Variants in CIB1 observed in about 807,000 individuals in gnomAD.
The protein encoded by CIB1 is calcium and integrin-binding protein 1.
In CIB1, 19 loss-of-function variants were observed where a neutral mutation model predicts 25.0. The observed-to-expected ratio is 0.76, with a 90% confidence interval of 0.53 to 1.12. The LOEUF (loss-of-function observed/expected upper bound fraction) is 1.12. Ranked by LOEUF, CIB1 falls within the 50% of genes most tolerant of loss-of-function variation. The pLI, the probability that CIB1 is intolerant of heterozygous loss-of-function variation, is 0.00. For missense variants in CIB1, 236 were observed against 242.6 expected (o/e 0.97, Z 0.18); for synonymous variants, 104 against 98.5 (o/e 1.06, Z -0.33).
chr15:90,262,217 C>A, the CIB1 span: 1 of 1,508,794 alleles, frequency 6.6e-7, no homozygotes, highest in Non-Finnish European at 8.8e-7. Flanking sequence ...TTCTCCTCTG[C>A]ACACCTAGGT....
chr15:90,256,573 CTT>C, the CIB1 span, among the ~76,000 whole-genome samples: 5 of 56,358 alleles, frequency 8.9e-5, no homozygotes, highest in African/African-American at 4.7e-4. Context: ...TTCTTTCTTT[CTT>C]TCTTTCTTTC....
Position 90,231,125 on chromosome 15 carries a change from A to ACTAAGC in CIB1, c.429_434dup (p.Arg143_Leu144dup). ...CGATGAGCTGCTTCATCTCAGACGC[A>ACTAAGC]CTAAGCCGTGTGTCCTCGCCCTCTC... On this transcript the variant is annotated inframe_insertion, in exon 5 of 7. Coordinates refer to ENST00000328649, the MANE Select transcript of CIB1 (RefSeq NM_006384.4). The ACTAAGC allele has an allele frequency of 6.2e-7, 1 of 1,614,120 alleles. No individual in the cohort carries two copies. Among genetic ancestry groups the ACTAAGC allele is most frequent in the Non-Finnish European group, 8.5e-7 (1 of 1,180,022 alleles).
the CIB1 span, chr15:90,264,603 T>A: frequency 1.7e-6 from 2 of 1,185,452 alleles, no homozygotes; most frequent in East Asian, 5.1e-5. Context: ...GGAAAGACAG[T>A]GGAGGGAAGC....
chr15:90,263,249 C>A, the CIB1 span: 1 of 1,092,740 alleles, frequency 9.2e-7, no homozygotes, highest in Non-Finnish European at 1.3e-6. Context: ...TGGTATCTGT[C>A]AGTGGAGCCT....
the CIB1 span, chr15:90,262,672 G>A: frequency 4.7e-6 from 7 of 1,478,164 alleles, no homozygotes; most frequent in East Asian, 1.5e-4. Flanking sequence ...AGAAAGAGGT[G>A]CCAGGGGTTT....
chr15:90,264,796 G>A, the CIB1 span: 1 of 1,536,128 alleles, frequency 6.5e-7, no homozygotes, highest in Non-Finnish European at 8.7e-7. Context: ...TAACCCCAAA[G>A]CAGGGCTATT....
upstream of CIB1, among the ~76,000 whole-genome samples, chr15:90,237,122 C>G (rs1962651601): frequency 6.6e-6 from 1 of 151,480 alleles, no homozygotes; most frequent in Non-Finnish European, 1.5e-5. Flanking sequence ...CCACACCTGG[C>G]TAATTTTTTT....
At chr15:90,257,229 G>GC in the CIB1 span, 117 of 1,613,970 alleles carry the variant, frequency 7.2e-5, 2 homozygotes, top group South Asian at 1.1e-3. Flanking sequence ...TATGAGGAGG[G>GC]CCTAGCCCGT....
the CIB1 span, chr15:90,264,769 A>T: frequency 6.5e-7 from 1 of 1,536,140 alleles, no homozygotes; most frequent in Non-Finnish European, 8.7e-7. Context: ...TCCTGGCAGG[A>T]TCAGTGCCAC....
At chr15:90,241,535 A>G in the CIB1 span, 13 of 1,613,414 alleles carry the variant, frequency 8.1e-6, no homozygotes, top group Non-Finnish European at 1.1e-5. Context: ...ACAGCCTGGG[A>G]GGCTTGGCCT....
At chr15:90,256,118 G>C in the CIB1 span, 2 of 1,611,614 alleles carry the variant, frequency 1.2e-6, no homozygotes, top group Non-Finnish European at 1.7e-6. Flanking sequence ...GAAACCTTTT[G>C]ACCAGGCCCT....
chr15:90,247,123 G>A, the CIB1 span, among the ~76,000 whole-genome samples: 1 of 150,552 alleles, frequency 6.6e-6, no homozygotes, highest in African/African-American at 2.5e-5. Context: ...CTACAGGCGT[G>A]CGCCACCATG....
At chr15:90,265,652 C>CT in the CIB1 span, 1 of 1,597,178 alleles carries the variant, frequency 6.3e-7, no homozygotes, top group Non-Finnish European at 8.6e-7. Flanking sequence ...CACTTCCGGT[C>CT]TTACCCGGCT....
the CIB1 span, among the ~76,000 whole-genome samples, chr15:90,250,081 C>T: frequency 6.6e-6 from 1 of 151,868 alleles, no homozygotes; most frequent in African/African-American, 2.4e-5. Flanking sequence ...CCTCAGCCTC[C>T]CGAGTAGCTG....
the CIB1 span, chr15:90,257,309 T>G: frequency 1.3e-6 from 2 of 1,593,984 alleles, no homozygotes; most frequent in Non-Finnish European, 1.7e-6. Flanking sequence ...CACTCTTCTT[T>G]TCCACTGCCA....
At chr15:90,258,010 G>A in the CIB1 span, 4 of 1,605,356 alleles carry the variant, frequency 2.5e-6, no homozygotes, top group Non-Finnish European at 2.6e-6. Flanking sequence ...CTAGAAACTG[G>A]CCTTCCTCTG....
At chr15:90,241,455 C>T in the CIB1 span, 2 of 1,613,616 alleles carry the variant, frequency 1.2e-6, no homozygotes, top group African/African-American at 2.7e-5. Context: ...GCGCCTGCTG[C>T]CGGGTGCACT....
chr15:90,265,695 A>T, the CIB1 span: 1 of 1,612,982 alleles, frequency 6.2e-7, no homozygotes, highest in Non-Finnish European at 8.5e-7. Flanking sequence ...CGACTGCTGA[A>T]GGCTGGTTTG....
At chr15:90,254,201 TTAAA>T in the CIB1 span, among the ~76,000 whole-genome samples, 28 of 110,704 alleles carry the variant, frequency 2.5e-4, no homozygotes, top group Admixed American at 7.2e-4. Flanking sequence ...TTTTTTTTTT[TTAAA>T]AAAAAAAGGC....
Sources: allele counts gnomAD v4.1 joint callset (sites outside exome capture counted in the v4.1 genomes callset), GRCh38; gene constraint gnomAD v4.1.1; transcripts MANE v1.5; gene names NCBI Gene and HGNC (gene_info 2026-07-23, HGNC 2026-07-21).